PPP2R5A: variants seen among roughly 807,000 people sequenced by gnomAD.
PPP2R5A encodes the protein serine/threonine-protein phosphatase 2A 56 kDa regulatory subunit alpha isoform.
PPP2R5A carries 25 observed loss-of-function variants against 64.2 expected under a neutral mutation model. That is an observed-to-expected ratio of 0.39 (90% CI 0.28 to 0.54). The LOEUF is 0.54. PPP2R5A is among the 20% of genes least tolerant of loss of function. The pLI, the probability that PPP2R5A is intolerant of heterozygous loss-of-function variation, is 0.67. For synonymous variants in PPP2R5A, 198 were observed against 201.2 expected (o/e 0.98, Z 0.13); for missense variants, 425 against 576.3 (o/e 0.74, Z 2.69).
chr1:212,316,361 TTGAG>T (rs1465734340), intron 1 of PPP2R5A, among the ~76,000 whole-genome samples: 1 of 152,130 alleles, frequency 6.6e-6, no homozygotes, highest in Non-Finnish European at 1.5e-5. Flanking sequence ...TGGAGAAAGT[TTGAG>T]TGGTCTGAAT....
intron 1 of PPP2R5A, among the ~76,000 whole-genome samples, chr1:212,311,616 G>C (rs973120898): frequency 2.0e-5 from 3 of 151,986 alleles, no homozygotes; most frequent in Admixed American, 6.6e-5. Flanking sequence ...AAAGTTAGCT[G>C]TAAAGCAGCC....
chr1:212,306,545 G>A (rs912771510), intron 1 of PPP2R5A, among the ~76,000 whole-genome samples: 1 of 151,870 alleles, frequency 6.6e-6, no homozygotes, highest in Admixed American at 6.6e-5. Context: ...TTTTTTTAAA[G>A]TCTGTTTTAT....
chr1:212,348,346 G>T (rs769207408), intron 6 of PPP2R5A, 43 bp from the exon 7 acceptor site: 1 of 1,259,138 alleles, frequency 7.9e-7, no homozygotes, highest in South Asian at 1.2e-5. Context: ...TAGAAACAAA[G>T]TAGTAACTAC....
At chr1:212,323,706 G>A (rs984864342) in intron 1 of PPP2R5A, among the ~76,000 whole-genome samples, 1 of 152,166 alleles carries the variant, frequency 6.6e-6, no homozygotes, top group Non-Finnish European at 1.5e-5. Context: ...GAATGGATAA[G>A]CTATGAAAAA....
intron 1 of PPP2R5A, among the ~76,000 whole-genome samples, chr1:212,311,755 G>C (rs1659038659): frequency 6.6e-6 from 1 of 151,988 alleles, no homozygotes; most frequent in African/African-American, 2.4e-5. Flanking sequence ...AGTTTAAAAA[G>C]TTAAAAAGTC....
At chr1:212,307,349 G>A (rs948004471) in intron 1 of PPP2R5A, among the ~76,000 whole-genome samples, 1 of 150,846 alleles carries the variant, frequency 6.6e-6, no homozygotes, top group Non-Finnish European at 1.5e-5. Context: ...CTTTGTTCTA[G>A]TGAGATGTAG....
chr1:212,330,689 G>A (rs905691149), intron 2 of PPP2R5A, among the ~76,000 whole-genome samples: 8 of 151,910 alleles, frequency 5.3e-5, no homozygotes, highest in Non-Finnish European at 1.0e-4. Context: ...CCTAATATAT[G>A]TTCTTGGGGA....
chr1:212,292,064 A>G (rs977440227), intron 1 of PPP2R5A, among the ~76,000 whole-genome samples: 2 of 152,230 alleles, frequency 1.3e-5, no homozygotes, highest in African/African-American at 2.4e-5. Flanking sequence ...CAAAGGAACT[A>G]TTCTTGAACT....
chr1:212,354,275 T>C (rs1659939759), intron 8 of PPP2R5A, among the ~76,000 whole-genome samples: 1 of 152,108 alleles, frequency 6.6e-6, no homozygotes, highest in Non-Finnish European at 1.5e-5. Context: ...CCCAGCTACT[T>C]GGGAGGCTGG....
At chr1:212,287,253 T>A (rs1658520262) in intron 1 of PPP2R5A, among the ~76,000 whole-genome samples, 1 of 152,232 alleles carries the variant, frequency 6.6e-6, no homozygotes, top group South Asian at 2.1e-4. Context: ...TCCTTGCTTT[T>A]TATGAGATAG....
chr1:212,307,511 C>T (rs1434731950), intron 1 of PPP2R5A, among the ~76,000 whole-genome samples: 1 of 151,970 alleles, frequency 6.6e-6, no homozygotes, highest in Non-Finnish European at 1.5e-5. Context: ...CACAACTTTC[C>T]TCCCACCTCC....
chr1:212,343,672 A>C (rs1659725434), intron 4 of PPP2R5A, among the ~76,000 whole-genome samples: 1 of 152,264 alleles, frequency 6.6e-6, no homozygotes, highest in Non-Finnish European at 1.5e-5. Context: ...ACTAAAAATT[A>C]CATTAAATGG....
chr1:212,338,890 A>G (rs937198682), intron 3 of PPP2R5A, among the ~76,000 whole-genome samples: 1 of 152,192 alleles, frequency 6.6e-6, no homozygotes, highest in Non-Finnish European at 1.5e-5. Context: ...GTAAGCATCT[A>G]TTGTGTGTCA....
In PPP2R5A at chr1:212,333,529, A is replaced by G; in HGVS notation, c.411A>G (p.Pro137=). The part of the protein sequence containing the change: ...ISANIFRTLP[P]SDNPDFDPEE... ...CTAACATCTTCCGTACACTTCCTCC[A>G]AGTGATAATCCAGATTTTGATCCAG... Residue 137 remains proline, a synonymous_variant, in exon 3 of 13, where the codon CCA becomes CCG. Coordinates refer to ENST00000261461, the MANE Select transcript of PPP2R5A (RefSeq NM_006243.4). 1.2e-6 allele frequency: 2 copies of G among 1,600,680 alleles called. No homozygotes were observed. Among genetic ancestry groups the G allele is most frequent in the Admixed American group, 1.7e-5 (1 of 58,146 alleles).
At chr1:212,347,325 C>T (rs1229945731) in intron 5 of PPP2R5A, 22 bp from the exon 6 acceptor site, 2 of 1,509,748 alleles carry the variant, frequency 1.3e-6, no homozygotes, top group East Asian at 2.3e-5. Flanking sequence ...TTGATTACAT[C>T]TTGTCTTTAT....
At position 212,329,155 on chromosome 1, in the gene PPP2R5A, C is replaced by G; in HGVS notation, c.202C>G (p.Gln68Glu). 1.3e-6 allele frequency: 2 copies of G among 1,527,302 alleles called. No individual in the cohort carries two copies. The highest frequency in any genetic ancestry group is 1.8e-6 in the Non-Finnish European group (2 of 1,136,648). The allele number at this position is 1,527,302 out of a possible 1,614,324, so 94.6% of individuals were successfully genotyped here. The change falls in exon 2 of 13, where the codon CAA (glutamine) becomes GAA (glutamate). Residue 68 changes from glutamine to glutamate, a missense_variant. By Grantham distance (29) the Gln-to-Glu change is conservative. Around this residue, in one of 4 missense-constraint regions of PPP2R5A, gnomAD observed 104 missense variants for 95.7 expected, o/e 1.09. Coordinates refer to ENST00000261461, the MANE Select transcript of PPP2R5A (RefSeq NM_006243.4). ...TATAGATGCCACTTCAAATGAACAA[C>G]AAGAGCTTTTCTGTCAGAAGTTGCA... ...QLKDATSNEQ[Q>E]ELFCQKLQQC...
Position 212,326,815 on chromosome 1 carries a change from T to C in PPP2R5A, c.182-2320T>C, listed in dbSNP as rs180841439. On this transcript the variant is annotated intron_variant, in intron 1 of 12. Transcript: ENST00000261461. ...TTTACTGGCATAGCCACAAATGAAC[T>C]GCAGCAAATTCAAGTCTTCATATTT... Among the ~76,000 whole-genome samples the C allele has an allele frequency of 2.7e-3, 414 of 152,364 alleles. 4 individuals carry two copies. The highest frequency in any genetic ancestry group is 9.5e-3 in the African/African-American group (397 of 41,588).
intron 3 of PPP2R5A, among the ~76,000 whole-genome samples, chr1:212,341,183 G>C (rs1659679460): frequency 6.6e-6 from 1 of 152,160 alleles, no homozygotes; most frequent in Admixed American, 6.6e-5. Context: ...ATTTAATTCT[G>C]ATTTGTGGTA....
intron 1 of PPP2R5A, among the ~76,000 whole-genome samples, chr1:212,323,547 A>G (rs1659351010): frequency 6.6e-6 from 1 of 152,240 alleles, no homozygotes; most frequent in African/African-American, 2.4e-5. Flanking sequence ...GAGTTGTAAC[A>G]TTAACTGCTT....
Sources: gnomAD v4.1 joint callset for allele counts (sites outside exome capture counted in the v4.1 genomes callset) on GRCh38, gnomAD v4.1.1 for gene constraint, gnomAD v4.1.1 regional missense constraint, MANE v1.5 for transcripts, NCBI Gene and HGNC (gene_info 2026-07-23, HGNC 2026-07-21) for gene names.